CREB5: variants seen among roughly 807,000 people sequenced by gnomAD.
CREB5 encodes cyclic AMP-responsive element-binding protein 5.
CREB5 carries 19 observed loss-of-function variants against 57.1 expected under a neutral mutation model. The observed-to-expected ratio is 0.33, with a 90% CI of 0.23 to 0.49. The LOEUF (loss-of-function observed/expected upper bound fraction) is 0.49. Ranked by LOEUF, CREB5 falls within the 20% of genes least tolerant of loss-of-function variation. The pLI is 0.99. For synonymous variants in CREB5, 238 were observed against 238.3 expected, an observed-to-expected ratio of 1.00 and a Z score of 0.01; for missense variants, 579 against 671.6, an observed-to-expected ratio of 0.86 and a Z score of 1.52.
chr7:28,708,310 G>C (rs1181976847), intron 5 of CREB5, among the ~76,000 whole-genome samples: 2 of 152,144 alleles, frequency 1.3e-5, no homozygotes, highest in Non-Finnish European at 2.9e-5. Flanking sequence ...CACAGCTGCT[G>C]AAAACCACTC....
At chr7:28,572,091 C>G (rs560827946) in intron 5 of CREB5, among the ~76,000 whole-genome samples, 1 of 152,270 alleles carries the variant, frequency 6.6e-6, no homozygotes, top group East Asian at 1.9e-4. Context: ...TTATTCCTCC[C>G]TAGGATATTC....
At chr7:28,479,824 T>A (rs1791246649) in intron 1 of CREB5, among the ~76,000 whole-genome samples, 1 of 152,216 alleles carries the variant, frequency 6.6e-6, no homozygotes, top group Non-Finnish European at 1.5e-5. Flanking sequence ...AATAGTCTCT[T>A]CCTGGTTTCG....
intron 4 of CREB5, among the ~76,000 whole-genome samples, chr7:28,527,577 G>A (rs1394832014): frequency 6.6e-6 from 1 of 152,222 alleles, no homozygotes; most frequent in African/African-American, 2.4e-5. Flanking sequence ...AGTGCTGTGA[G>A]AGGCTCATGT....
At chr7:28,581,184 A>C (rs1266151120) in intron 5 of CREB5, among the ~76,000 whole-genome samples, 1 of 152,214 alleles carries the variant, frequency 6.6e-6, no homozygotes, top group Admixed American at 6.5e-5. Flanking sequence ...GACAACTTGA[A>C]CTTTACTTTT....
At chr7:28,757,420 C>T (rs967374128) in intron 7 of CREB5, among the ~76,000 whole-genome samples, 2 of 152,142 alleles carry the variant, frequency 1.3e-5, no homozygotes, top group Non-Finnish European at 2.9e-5. Flanking sequence ...TGCCTGTAAT[C>T]CCAGCACTTT....
intron 7 of CREB5, among the ~76,000 whole-genome samples, chr7:28,730,717 G>T (rs1803570515): frequency 6.6e-6 from 1 of 152,032 alleles, no homozygotes; most frequent in Non-Finnish European, 1.5e-5. Context: ...TATTGTTGGG[G>T]CTTCATAGCA....
intron 1 of CREB5, among the ~76,000 whole-genome samples, chr7:28,442,099 C>T (rs962012207): frequency 6.6e-6 from 1 of 152,142 alleles, no homozygotes; most frequent in Non-Finnish European, 1.5e-5. Context: ...CATCCCCTTC[C>T]CAGCCTCTAA....
intron 4 of CREB5, among the ~76,000 whole-genome samples, chr7:28,546,675 C>G (rs1343269405): frequency 6.6e-6 from 1 of 152,168 alleles, no homozygotes; most frequent in Non-Finnish European, 1.5e-5. Context: ...GTTATCCCAC[C>G]TCATCTTGAG....
At chr7:28,737,584 T>TATATATATATATATATATATATATAA (rs1562606948) in intron 7 of CREB5, among the ~76,000 whole-genome samples, 1 of 27,560 alleles carries the variant, frequency 3.6e-5, no homozygotes, top group Non-Finnish European at 1.0e-4. Flanking sequence ...TATATATATA[T>TATATATATATATATATATATATATAA]ATATTTTTAA....
At chr7:28,577,991 C>T (rs160378) in intron 5 of CREB5, among the ~76,000 whole-genome samples, 7,528 of 152,198 alleles carry the variant, frequency 0.049, 630 homozygotes, top group African/African-American at 0.17. Context: ...ACAAGTCCAA[C>T]GCAAGAGATC....
intron 5 of CREB5, among the ~76,000 whole-genome samples, chr7:28,614,563 C>A (rs918533851): frequency 6.6e-6 from 1 of 152,114 alleles, no homozygotes; most frequent in Non-Finnish European, 1.5e-5. Context: ...TTATGCCTCA[C>A]CCCTAATGAG....
At chr7:28,445,814 G>C (rs766237229) in intron 1 of CREB5, among the ~76,000 whole-genome samples, 87 of 152,178 alleles carry the variant, frequency 5.7e-4, no homozygotes, top group Non-Finnish European at 8.4e-4. Context: ...GCCTCCCAAA[G>C]TGCTGGGATT....
intron 7 of CREB5, among the ~76,000 whole-genome samples, chr7:28,760,855 A>G (rs542926550): frequency 1.3e-5 from 2 of 152,332 alleles, no homozygotes; most frequent in South Asian, 4.1e-4. Context: ...GCGGAATCTA[A>G]GAGAGAAATT....
chr7:28,625,378 C>G (rs1183672263), intron 5 of CREB5, among the ~76,000 whole-genome samples: 1 of 152,114 alleles, frequency 6.6e-6, no homozygotes, highest in Non-Finnish European at 1.5e-5. Context: ...ACGGGAAGTG[C>G]AAAGGACAAG....
chr7:28,821,437 A>G lies in CREB5; in HGVS notation c.*2158A>G, dbSNP rs1809764189. 6.6e-6 allele frequency: 1 copy of G among 151,486 alleles called. No individual in the cohort carries two copies. Among genetic ancestry groups the G allele is most frequent in the Non-Finnish European group, 1.5e-5 (1 of 67,872 alleles). The allele number at this position is 151,486 out of a possible 1,614,324, so 9.4% of individuals were successfully genotyped here. On this transcript the variant is annotated 3_prime_UTR_variant, in exon 11 of 11. Coordinates refer to ENST00000357727, the MANE Select transcript of CREB5 (RefSeq NM_182898.4). ...CCAGTGAAACTTATGACTTGGATAT[A>G]TGGTTGAAGAATCAAAACAAAAGCA...
intron 4 of CREB5, among the ~76,000 whole-genome samples, chr7:28,514,274 AG>A (rs1562767668): frequency 6.6e-6 from 1 of 152,320 alleles, no homozygotes; most frequent in East Asian, 1.9e-4. Context: ...GGCAAAGTGA[AG>A]GGGGGAGGTG....
chr7:28,804,459 TGCACACCCA>T lies in CREB5; in HGVS notation c.969_977del (p.Pro324_His326del), dbSNP rs767767422. On this transcript the variant is annotated inframe_deletion, in exon 8 of 11. Transcript: ENST00000357727. ...ATCACCACTCCCATTCCCACCTTCA[TGCACACCCA>T]GCACATCACCAGACCTCGCCACATC... 3.7e-6 allele frequency: 6 copies of T among 1,614,070 alleles called. No homozygotes were observed. The highest frequency in any genetic ancestry group is 4.2e-6 in the Non-Finnish European group (5 of 1,180,010).
At chr7:28,530,745 G>T (rs960037449) in intron 4 of CREB5, among the ~76,000 whole-genome samples, 5 of 152,126 alleles carry the variant, frequency 3.3e-5, no homozygotes, top group African/African-American at 7.2e-5. Context: ...AAGTAGAAGC[G>T]CAAGTGTGTC....
chr7:28,514,824 C>G (rs1449664532), intron 4 of CREB5, among the ~76,000 whole-genome samples: 1 of 152,168 alleles, frequency 6.6e-6, no homozygotes, highest in Non-Finnish European at 1.5e-5. Flanking sequence ...AAAGGTTGCG[C>G]ATTCATGTCA....
Sources: allele counts gnomAD v4.1 joint callset (sites outside exome capture counted in the v4.1 genomes callset), GRCh38; gene constraint gnomAD v4.1.1; transcripts MANE v1.5; gene names NCBI Gene and HGNC (gene_info 2026-07-23, HGNC 2026-07-21).